The following PEBP4 variants were observed in gnomAD, a reference collection of about 807,000 sequenced individuals.
The protein encoded by PEBP4 is phosphatidylethanolamine-binding protein 4.
In PEBP4, 22 loss-of-function variants were observed where a neutral mutation model predicts 23.9. The observed-to-expected ratio is 0.92, with a 90% CI of 0.66 to 1.31. The LOEUF (loss-of-function observed/expected upper bound fraction) is 1.31. Among genes scored for constraint, PEBP4 ranks in the 40% most tolerant of loss-of-function variants. The probability of loss-of-function intolerance (pLI) is 0.00; values close to 1 mark genes in which losing one functional copy is unlikely to be tolerated. For missense variants in PEBP4, 324 were observed against 281.7 expected, an observed-to-expected ratio of 1.15 and a Z score of -1.07; for synonymous variants, 112 against 99.3, an observed-to-expected ratio of 1.13 and a Z score of -0.76.
intron 3 of PEBP4, among the ~76,000 whole-genome samples, chr8:22,913,424 G>A (rs147568737): frequency 2.0e-5 from 3 of 151,964 alleles, no homozygotes; most frequent in African/African-American, 7.2e-5. Flanking sequence ...CATTCCCCAC[G>A]CTCTGCCCCA....
chr8:22,796,743 G>C (rs908179098), intron 4 of PEBP4, among the ~76,000 whole-genome samples: 1 of 152,120 alleles, frequency 6.6e-6, no homozygotes, highest in African/African-American at 2.4e-5. Context: ...CTAAACAGTG[G>C]CTCCGCATGG....
intron 3 of PEBP4, among the ~76,000 whole-genome samples, chr8:22,830,147 T>TG (rs1393564112): frequency 1.0e-3 from 83 of 80,942 alleles, no homozygotes; most frequent in African/African-American, 3.2e-3. Context: ...GTGTGTGTGT[T>TG]TTTACGGAGT....
intron 4 of PEBP4, among the ~76,000 whole-genome samples, chr8:22,773,088 C>T (rs1033436543): frequency 4.0e-5 from 6 of 151,690 alleles, no homozygotes; most frequent in African/African-American, 1.5e-4. Context: ...TTCTATCTAC[C>T]ACCCAACTGT....
intron 3 of PEBP4, among the ~76,000 whole-genome samples, chr8:22,844,601 T>C (rs527812358): frequency 6.6e-6 from 1 of 152,204 alleles, no homozygotes; most frequent in Non-Finnish European, 1.5e-5. Flanking sequence ...TTCACTTAAC[T>C]GTGTTCTCTT....
chr8:22,830,418 G>A (rs949737042), intron 3 of PEBP4, among the ~76,000 whole-genome samples: 1 of 152,064 alleles, frequency 6.6e-6, no homozygotes, highest in African/African-American at 2.4e-5. Context: ...AAAGTGCTGG[G>A]ATTACAGGCA....
chr8:22,881,479 G>A (rs2128772430), intron 3 of PEBP4, among the ~76,000 whole-genome samples: 1 of 152,306 alleles, frequency 6.6e-6, no homozygotes, highest in East Asian at 1.9e-4. Context: ...AAAACTTCCT[G>A]AGTGCAGGAC....
chr8:22,771,896 C>T (rs1805725028), intron 4 of PEBP4, among the ~76,000 whole-genome samples: 1 of 152,246 alleles, frequency 6.6e-6, no homozygotes, highest in South Asian at 2.1e-4. Flanking sequence ...TGCAAAATTG[C>T]CCTGAGCTGC....
chr8:22,761,397 G>GA (rs1563207986), intron 4 of PEBP4, among the ~76,000 whole-genome samples: 10 of 152,184 alleles, frequency 6.6e-5, no homozygotes. Flanking sequence ...GGAGGCTGGG[G>GA]GGAGGCGGGG....
intron 3 of PEBP4, among the ~76,000 whole-genome samples, chr8:22,878,803 T>A (rs1319278038): frequency 1.3e-5 from 2 of 152,170 alleles, no homozygotes; most frequent in African/African-American, 4.8e-5. Context: ...AAAATAGCCC[T>A]CCTTTTGAAA....
At chr8:22,889,590 A>C (rs1563250807) in intron 3 of PEBP4, among the ~76,000 whole-genome samples, 1 of 152,252 alleles carries the variant, frequency 6.6e-6, no homozygotes, top group Non-Finnish European at 1.5e-5. Flanking sequence ...CGTAAATTAC[A>C]GCTTAAAAGC....
chr8:22,753,717 AGGGTCTGGGGCTTTGCC>A (rs1265163419), intron 4 of PEBP4, among the ~76,000 whole-genome samples: 1 of 152,166 alleles, frequency 6.6e-6, no homozygotes, highest in African/African-American at 2.4e-5. Flanking sequence ...GGTGGGAGCC[AGGGTCTGGGGCTTTGCC>A]GGGCTGGTGG....
intron 3 of PEBP4, among the ~76,000 whole-genome samples, chr8:22,868,400 T>C (rs1012537228): frequency 3.9e-5 from 6 of 152,158 alleles, no homozygotes; most frequent in Non-Finnish European, 8.8e-5. Context: ...CCGGTGTGTG[T>C]GCTGCCTGCC....
At chr8:22,912,200 C>T (rs181180568) in intron 3 of PEBP4, among the ~76,000 whole-genome samples, 11 of 152,300 alleles carry the variant, frequency 7.2e-5, no homozygotes, top group East Asian at 1.9e-4. Flanking sequence ...CGCCGGAGCA[C>T]GTGGCCGTTC....
intron 3 of PEBP4, among the ~76,000 whole-genome samples, chr8:22,915,360 C>T (rs970619672): frequency 3.9e-5 from 6 of 152,238 alleles, no homozygotes; most frequent in African/African-American, 1.4e-4. Context: ...TGGCTCCTAA[C>T]CATGGATGTG....
intron 2 of PEBP4, among the ~76,000 whole-genome samples, chr8:22,921,512 C>A (rs1809199725): frequency 6.6e-6 from 1 of 152,028 alleles, no homozygotes; most frequent in Admixed American, 6.5e-5. Flanking sequence ...CATTGCCCCT[C>A]CCACCTTCCA....
intron 4 of PEBP4, among the ~76,000 whole-genome samples, chr8:22,792,725 C>CT (rs1471507169): frequency 6.6e-6 from 1 of 152,044 alleles, no homozygotes; most frequent in Non-Finnish European, 1.5e-5. Flanking sequence ...TGGCCCTGCC[C>CT]ATGGGAGCTG....
At chr8:22,795,165 T>TATATATA (rs1563218572) in intron 4 of PEBP4, among the ~76,000 whole-genome samples, 13 of 16,716 alleles carry the variant, frequency 7.8e-4, no homozygotes, top group Admixed American at 2.5e-3. Flanking sequence ...ATATATATAT[T>TATATATA]TTTTTTTTTT....
intron 3 of PEBP4, among the ~76,000 whole-genome samples, chr8:22,917,207 C>A (rs867628403): frequency 6.6e-6 from 1 of 152,088 alleles, no homozygotes; most frequent in South Asian, 2.1e-4. Flanking sequence ...AAGCAATGCA[C>A]CATCCCCACA....
At chr8:22,837,470 G>T (rs764918091) in intron 3 of PEBP4, among the ~76,000 whole-genome samples, 47 of 152,174 alleles carry the variant, frequency 3.1e-4, no homozygotes, top group African/African-American at 1.1e-3. Context: ...ATTGCTGCCC[G>T]ATAATCTTCC....
Sources: gnomAD v4.1 joint callset for allele counts (sites outside exome capture counted in the v4.1 genomes callset) on GRCh38, gnomAD v4.1.1 for gene constraint, MANE v1.5 for transcripts, NCBI Gene and HGNC (gene_info 2026-07-23, HGNC 2026-07-21) for gene names.